Variants in EFL1 observed in about 807,000 individuals in gnomAD.
EFL1 encodes elongation factor-like GTPase 1.
A neutral mutation model predicts 126.7 loss-of-function variants in EFL1; 76 were observed. That is an observed-to-expected ratio of 0.60 (90% confidence interval 0.50 to 0.73). The LOEUF is 0.73. Ranked by LOEUF, EFL1 falls within the 30% of genes least tolerant of loss-of-function variation. The pLI is 0.00. For missense variants in EFL1, 1,128 were observed against 1,343.2 expected, an observed-to-expected ratio of 0.84 and a Z score of 2.50; for synonymous variants, 410 against 448.4, an observed-to-expected ratio of 0.91 and a Z score of 1.08.
chr15:82,158,168 A>G (rs2073987061), intron 16 of EFL1, among the ~76,000 whole-genome samples: 1 of 152,214 alleles, frequency 6.6e-6, no homozygotes, highest in Admixed American at 6.5e-5. Flanking sequence ...AAATCTTATA[A>G]CGAATGTATA....
intron 19 of EFL1, among the ~76,000 whole-genome samples, chr15:82,135,835 G>A (rs550451416): frequency 3.9e-4 from 59 of 152,224 alleles, no homozygotes; most frequent in African/African-American, 1.3e-3. Context: ...CTTATTGGCC[G>A]GAATGCAGAT....
chr15:82,212,304 T>C (rs1473469069), intron 15 of EFL1, among the ~76,000 whole-genome samples: 3 of 152,236 alleles, frequency 2.0e-5, no homozygotes, highest in African/African-American at 2.4e-5. Context: ...AGTCTTCTTA[T>C]AAAAAATTAA....
intron 12 of EFL1, 26 bp from the exon 13 acceptor site, chr15:82,220,255 C>T (rs1192497837): frequency 1.3e-6 from 2 of 1,557,184 alleles, no homozygotes; most frequent in East Asian, 2.3e-5. Flanking sequence ...AATATGCTGT[C>T]ATCTCTCAGT....
At chr15:82,141,331 CAT>C (rs898732522) in intron 18 of EFL1, among the ~76,000 whole-genome samples, 1 of 152,164 alleles carries the variant, frequency 6.6e-6, no homozygotes, top group African/African-American at 2.4e-5. Context: ...TAACACCTAA[CAT>C]GTGTGAACTA....
intron 15 of EFL1, among the ~76,000 whole-genome samples, chr15:82,187,064 C>A (rs761478516): frequency 5.9e-5 from 9 of 152,150 alleles, no homozygotes; most frequent in East Asian, 1.9e-4. Context: ...CTTACAGAAG[C>A]TATTTTTATC....
At chr15:82,158,585 C>T (rs1054750425) in intron 16 of EFL1, among the ~76,000 whole-genome samples, 4 of 152,104 alleles carry the variant, frequency 2.6e-5, no homozygotes, top group Admixed American at 2.0e-4. Context: ...GTCTTAAAGA[C>T]GTTTTTATGC....
chr15:82,198,026 G>A (rs924507331), intron 15 of EFL1, among the ~76,000 whole-genome samples: 1 of 152,166 alleles, frequency 6.6e-6, no homozygotes, highest in Admixed American at 6.5e-5. Context: ...AATCTACTGA[G>A]CATTCATATG....
chr15:82,151,880 T>C lies in EFL1; in HGVS notation c.2574A>G (p.Glu858=). ...WTGPADKASK[E]ASRYRDLGNS... ...TGCCCAAATCTCGGTATCTACTGGCTTCTTTTGAAGCTTTGTCAGCTGGAC... is the reference window on the plus strand; with the variant it reads ...TGCCCAAATCTCGGTATCTACTGGCCTCTTTTGAAGCTTTGTCAGCTGGAC... The change falls in exon 18 of 20, where the codon GAA becomes GAG. Residue 858 remains glutamate, a synonymous_variant. Coordinates refer to ENST00000268206, the MANE Select transcript of EFL1 (RefSeq NM_024580.6). 2 of 1,614,174 alleles carry C rather than the reference T, an allele frequency of 1.2e-6. No homozygotes were observed. Among genetic ancestry groups the C allele is most frequent in the Non-Finnish European group, 1.7e-6 (2 of 1,180,030 alleles).
At chr15:82,190,469 C>T (rs1270905864) in intron 15 of EFL1, among the ~76,000 whole-genome samples, 1 of 152,100 alleles carries the variant, frequency 6.6e-6, no homozygotes, top group Non-Finnish European at 1.5e-5. Context: ...TTCTATATAT[C>T]CATGGATTCT....
At chr15:82,175,625 C>A (rs1218965501) in intron 15 of EFL1, among the ~76,000 whole-genome samples, 2 of 152,016 alleles carry the variant, frequency 1.3e-5, no homozygotes, top group Non-Finnish European at 2.9e-5. Context: ...CGCATGTAAT[C>A]CCAGCACTTT....
chr15:82,156,140 T>C (rs2073964647), intron 17 of EFL1, among the ~76,000 whole-genome samples: 1 of 152,230 alleles, frequency 6.6e-6, no homozygotes. Flanking sequence ...TATTCTCTTA[T>C]ACTATCTTCT....
At position 82,137,806 on chromosome 15, in the gene EFL1, G is replaced by GT. The variant is rs201415553; in HGVS notation, c.3174+851dup. On this transcript the variant is annotated intron_variant, in intron 19 of 19. Transcript: ENST00000268206. ...TAGGCTTTTTCTTGAAAAGTAAATT[G>GT]TTTTTTGCACATGCCCTGCAGTTTG... is the stretch of plus-strand genomic sequence containing the variant. Among the ~76,000 whole-genome samples the GT allele has an allele frequency of 7.4e-3, 1,126 of 152,234 alleles. 8 individuals are homozygous for GT. Among genetic ancestry groups the GT allele is most frequent in the Non-Finnish European group, 0.011 (775 of 67,998 alleles).
chr15:82,249,658 G>A (rs756340685), intron 4 of EFL1, among the ~76,000 whole-genome samples: 3 of 152,048 alleles, frequency 2.0e-5, no homozygotes, highest in African/African-American at 4.8e-5. Context: ...CAAGATAAAT[G>A]TATGGTATCC....
intron 6 of EFL1, among the ~76,000 whole-genome samples, 173 bp from the exon 7 acceptor site, chr15:82,238,694 T>G (rs536917992): frequency 6.6e-6 from 1 of 152,252 alleles, no homozygotes. Context: ...ATGTATCCAT[T>G]CTTCCTAAAC....
At chr15:82,161,051 G>A (rs1028673124) in intron 16 of EFL1, among the ~76,000 whole-genome samples, 4 of 152,112 alleles carry the variant, frequency 2.6e-5, no homozygotes, top group African/African-American at 7.2e-5. Flanking sequence ...AGTAGAGGGT[G>A]GCTGCCATGA....
At chr15:82,136,443 C>T (rs550268631) in intron 19 of EFL1, among the ~76,000 whole-genome samples, 6 of 152,292 alleles carry the variant, frequency 3.9e-5, no homozygotes, top group South Asian at 2.1e-4. Context: ...GCAACAGTAA[C>T]GCCAATGAAG....
chr15:82,247,798 G>A (rs2074986663), intron 4 of EFL1, among the ~76,000 whole-genome samples: 1 of 152,090 alleles, frequency 6.6e-6, no homozygotes, highest in South Asian at 2.1e-4. Context: ...CAGAATCACA[G>A]AGAAACATGG....
chr15:82,256,269 C>A (rs899501969), intron 3 of EFL1, among the ~76,000 whole-genome samples: 2 of 152,100 alleles, frequency 1.3e-5, no homozygotes, highest in Non-Finnish European at 2.9e-5. Flanking sequence ...GCCACCATGC[C>A]CGGCACAGGT....
chr15:82,174,835 A>G (rs2074177713), intron 15 of EFL1, among the ~76,000 whole-genome samples: 2 of 152,204 alleles, frequency 1.3e-5, no homozygotes, highest in South Asian at 4.1e-4. Flanking sequence ...ACCATTTGCA[A>G]TGATCACTTT....
Sources: allele counts gnomAD v4.1 joint callset (sites outside exome capture counted in the v4.1 genomes callset), GRCh38; gene constraint gnomAD v4.1.1; transcripts MANE v1.5; gene names NCBI Gene and HGNC (gene_info 2026-07-23, HGNC 2026-07-21).